GTF2B: variants seen among roughly 807,000 people sequenced by gnomAD.
GTF2B encodes the protein general transcription factor IIB, also known as transcription initiation factor IIB.
Under a neutral mutation model 34.6 loss-of-function variants are expected in GTF2B, and 20 were observed. That is an observed-to-expected ratio of 0.58 (90% confidence interval 0.41 to 0.84). The LOEUF is 0.84. GTF2B is among the 40% of genes least tolerant of loss of function. The pLI, the probability that GTF2B is intolerant of heterozygous loss-of-function variation, is 0.00. For missense variants in GTF2B, 237 were observed against 393.3 expected (o/e 0.60, Z 3.36); for synonymous variants, 142 against 132.4 (o/e 1.07, Z -0.50).
intron 2 of GTF2B, among the ~76,000 whole-genome samples, chr1:88,876,695 C>T (rs1026897155): frequency 2.2e-4 from 33 of 152,072 alleles, no homozygotes; most frequent in African/African-American, 8.0e-4. Context: ...CTTGTATCTC[C>T]ACAATATGTA....
At chr1:88,876,374 G>T (rs747160651) in intron 2 of GTF2B, among the ~76,000 whole-genome samples, 1 of 151,884 alleles carries the variant, frequency 6.6e-6, no homozygotes, top group Non-Finnish European at 1.5e-5. Flanking sequence ...TTTCTACAAG[G>T]TTAAAAAAAA....
At chr1:88,887,511 T>G (rs1263105286) in intron 1 of GTF2B, 144 bp from the exon 2 acceptor site, 1 of 618,316 alleles carries the variant, frequency 1.6e-6, no homozygotes, top group African/African-American at 1.9e-5. Context: ...ATTTTCAAAG[T>G]AAACATCCCA....
intron 2 of GTF2B, among the ~76,000 whole-genome samples, chr1:88,874,366 T>A (rs1673765641): frequency 6.6e-6 from 1 of 151,596 alleles, no homozygotes; most frequent in African/African-American, 2.4e-5. Flanking sequence ...CAGGCTAGAG[T>A]GCAGTGACAC....
intron 2 of GTF2B, among the ~76,000 whole-genome samples, chr1:88,885,552 A>G (rs987380314): frequency 6.6e-6 from 1 of 152,176 alleles, no homozygotes; most frequent in South Asian, 2.1e-4. Context: ...GTTCGAGACC[A>G]GCCTGACCAA....
intron 2 of GTF2B, among the ~76,000 whole-genome samples, chr1:88,879,504 T>G (rs188997392): frequency 6.6e-6 from 1 of 151,146 alleles, no homozygotes; most frequent in Non-Finnish European, 1.5e-5. Flanking sequence ...GAATCGCTTG[T>G]ACCTGGGAGG....
intron 6 of GTF2B, among the ~76,000 whole-genome samples, chr1:88,856,444 G>GAA (rs112565360): frequency 1.3e-5 from 2 of 151,780 alleles, no homozygotes; most frequent in Admixed American, 6.6e-5. Context: ...TGCAAAATGG[G>GAA]AAAAAACCAA....
chr1:88,862,180 T>C (rs541817895), intron 3 of GTF2B, among the ~76,000 whole-genome samples: 19 of 152,284 alleles, frequency 1.2e-4, no homozygotes, highest in Middle Eastern at 3.4e-3. Context: ...CAGGAAAAGA[T>C]AGAAAGTTGA....
chr1:88,868,047 A>C (rs1338822264), intron 2 of GTF2B, among the ~76,000 whole-genome samples: 9 of 152,264 alleles, frequency 5.9e-5, no homozygotes, highest in Admixed American at 5.9e-4. Context: ...GATTAAGTGC[A>C]TGAGTAACAA....
At chr1:88,867,702 G>C (rs1673592007) in intron 2 of GTF2B, among the ~76,000 whole-genome samples, 1 of 152,134 alleles carries the variant, frequency 6.6e-6, no homozygotes, top group African/African-American at 2.4e-5. Flanking sequence ...AGTTAGCTAA[G>C]ATGCTTCATT....
intron 5 of GTF2B, chr1:88,858,710 C>T (rs572980545): frequency 4.3e-4 from 65 of 152,296 alleles, no homozygotes; most frequent in African/African-American, 1.5e-3. Flanking sequence ...GTATAGTCTT[C>T]AGCTAAACTG....
At chr1:88,859,773 T>C (rs907619250) in intron 5 of GTF2B, 109 bp downstream of exon 5, 1 of 869,038 alleles carries the variant, frequency 1.2e-6, no homozygotes, top group African/African-American at 1.7e-5. Context: ...GAGGCAGAGG[T>C]TGCAGTGAGT....
At chr1:88,854,196 G>T (rs1219202260) in intron 6 of GTF2B, among the ~76,000 whole-genome samples, 1 of 152,080 alleles carries the variant, frequency 6.6e-6, no homozygotes, top group African/African-American at 2.4e-5. Context: ...CTGTTAAGGG[G>T]TCCTTATTAA....
chr1:88,860,477 A>G (rs1429570524), intron 3 of GTF2B, among the ~76,000 whole-genome samples, 191 bp from the exon 4 acceptor site: 1 of 151,536 alleles, frequency 6.6e-6, no homozygotes, highest in East Asian at 1.9e-4. Context: ...TAGGAAGCTT[A>G]AAGTGTATAA....
intron 2 of GTF2B, among the ~76,000 whole-genome samples, chr1:88,881,008 CAAA>C (rs57528139): frequency 9.7e-5 from 9 of 92,752 alleles, no homozygotes; most frequent in Admixed American, 2.3e-4. Flanking sequence ...GATGCTGTCT[CAAA>C]AAAAAAAAAA....
intron 1 of GTF2B, among the ~76,000 whole-genome samples, chr1:88,889,342 T>C (rs1266774709): frequency 6.6e-6 from 1 of 152,302 alleles, no homozygotes; most frequent in South Asian, 2.1e-4. Flanking sequence ...ACCATACAAA[T>C]GGGGTGGTGA....
intron 2 of GTF2B, among the ~76,000 whole-genome samples, chr1:88,876,258 C>G (rs1673814059): frequency 6.6e-6 from 1 of 152,162 alleles, no homozygotes; most frequent in African/African-American, 2.4e-5. Context: ...CTTTAACATA[C>G]TATAATTGGA....
chr1:88,857,074 T>C, intron 6 of GTF2B, 132 bp downstream of exon 6: 1 of 777,514 alleles, frequency 1.3e-6, no homozygotes, highest in African/African-American at 1.7e-5. Flanking sequence ...GTGCTGAGAT[T>C]ATAGGTGTGA....
At chr1:88,872,880 C>A (rs1412034443) in intron 2 of GTF2B, among the ~76,000 whole-genome samples, 78 of 152,140 alleles carry the variant, frequency 5.1e-4, no homozygotes, top group Non-Finnish European at 8.8e-5. Context: ...CAATAATAGA[C>A]CCTTTAGCGC....
intron 5 of GTF2B, among the ~76,000 whole-genome samples, chr1:88,859,285 T>A (rs1475110813): frequency 6.6e-6 from 1 of 152,190 alleles, no homozygotes; most frequent in Admixed American, 6.5e-5. Flanking sequence ...ATTATAGGCC[T>A]TCTGAAAGCC....
Sources: allele counts gnomAD v4.1 joint callset (sites outside exome capture counted in the v4.1 genomes callset), GRCh38; gene constraint gnomAD v4.1.1; transcripts MANE v1.5; gene names NCBI Gene and HGNC (gene_info 2026-07-23, HGNC 2026-07-21).